Variants in POLN observed in about 807,000 individuals in gnomAD.
POLN encodes the protein DNA polymerase nu.
In POLN, 108 loss-of-function variants were observed where a neutral mutation model predicts 113.5. That is an observed-to-expected ratio of 0.95 (90% CI 0.81 to 1.12). The LOEUF (loss-of-function observed/expected upper bound fraction) is 1.12, where lower values mean the gene tolerates loss of function less well. POLN is among the 50% of genes most tolerant of loss of function. The pLI is 0.00. For synonymous variants in POLN, 386 were observed against 391.5 expected (o/e 0.99, Z 0.17); for missense variants, 1,097 against 1,077.1 (o/e 1.02, Z -0.26).
At chr4:2,111,142 C>T (rs1731182912) in intron 19 of POLN, among the ~76,000 whole-genome samples, 1 of 152,206 alleles carries the variant, frequency 6.6e-6, no homozygotes, top group Non-Finnish European at 1.5e-5. Flanking sequence ...ACAAAAACCA[C>T]ATGATTTTCT....
At chr4:2,080,297 C>G in intron 23 of POLN, 1 of 997,078 alleles carries the variant, frequency 1.0e-6, no homozygotes, top group Non-Finnish European at 1.2e-6. Context: ...GAGGAATGTG[C>G]CCTGGGGGAA....
intron 23 of POLN, chr4:2,079,958 C>A: frequency 2.0e-6 from 2 of 985,514 alleles, no homozygotes; most frequent in Non-Finnish European, 2.4e-6. Flanking sequence ...CACTGAGAGC[C>A]CACAGCCCAG....
intron 16 of POLN, among the ~76,000 whole-genome samples, chr4:2,139,136 G>T (rs574757886): frequency 1.3e-5 from 2 of 152,164 alleles, no homozygotes; most frequent in Non-Finnish European, 2.9e-5. Context: ...GGGACAAGCC[G>T]CAGGGTCAGA....
At chr4:2,111,228 T>C (rs1012339876) in intron 19 of POLN, among the ~76,000 whole-genome samples, 233 of 152,276 alleles carry the variant, frequency 1.5e-3, no homozygotes, top group African/African-American at 5.2e-3. Flanking sequence ...TAGGTATTGA[T>C]GGGACGTATC....
At chr4:2,217,073 TTCCCACAGATCCCTCCACA>T (rs1477586057) in intron 3 of POLN, among the ~76,000 whole-genome samples, 1 of 152,196 alleles carries the variant, frequency 6.6e-6, no homozygotes, top group African/African-American at 2.4e-5. Context: ...TTCGTGACTG[TTCCCACAGATCCCTCCACA>T]TGCCTTACTC....
intron 16 of POLN, among the ~76,000 whole-genome samples, chr4:2,146,642 G>A (rs1732149317): frequency 6.6e-6 from 1 of 152,002 alleles, no homozygotes; most frequent in Non-Finnish European, 1.5e-5. Context: ...GTGGGGAGGG[G>A]CAGGCAGATA....
At chr4:2,196,361 T>A (rs775639070) in intron 6 of POLN, among the ~76,000 whole-genome samples, 1 of 152,090 alleles carries the variant, frequency 6.6e-6, no homozygotes, top group Non-Finnish European at 1.5e-5. Context: ...TAGAGCTAAC[T>A]CCAGTTTACA....
intron 7 of POLN, among the ~76,000 whole-genome samples, chr4:2,191,343 C>T (rs753935185): frequency 6.7e-6 from 1 of 148,946 alleles, no homozygotes; most frequent in African/African-American, 2.4e-5. Context: ...GGTAAGGGGG[C>T]GGTGGGTGGG....
chr4:2,218,805 C>T (rs1167148453), intron 3 of POLN, among the ~76,000 whole-genome samples: 1 of 152,154 alleles, frequency 6.6e-6, no homozygotes, highest in Non-Finnish European at 1.5e-5. Flanking sequence ...ATCCAGCCCA[C>T]CAGCTGTCAT....
At chr4:2,085,792 G>T in intron 20 of POLN, 48 bp from the exon 21 acceptor site, 1 of 1,607,896 alleles carries the variant, frequency 6.2e-7, no homozygotes. Context: ...CACCAGCCGT[G>T]ACTGTGTGCA....
chr4:2,080,855 G>T, intron 23 of POLN, 103 bp downstream of exon 23: 1 of 1,594,448 alleles, frequency 6.3e-7, no homozygotes. Flanking sequence ...ACGGGGGCCC[G>T]ATAAGCAGAG....
At chr4:2,078,931 C>T (rs1011727585) in intron 23 of POLN, 52 of 985,046 alleles carry the variant, frequency 5.3e-5, no homozygotes, top group African/African-American at 7.0e-5. Flanking sequence ...GAAAGTGAAC[C>T]GATTTTTTCT....
In POLN at chr4:2,208,306, T is replaced by G; in HGVS notation, c.395A>C (p.Lys132Thr). 1 of 1,604,040 alleles carries G rather than the reference T, an allele frequency of 6.2e-7. No individual in the cohort carries two copies. The highest frequency in any genetic ancestry group is 2.2e-5 in the East Asian group (1 of 44,830). ...YNQEASVLQK[K>T]GHKRKHFLME... is the part of the protein sequence containing the mutation. ...TAGGAAATGCTTTCTTTTATGCCCCTTTTTCTGTAGAACTGAAGCCTCTTG... is the reference window on the plus strand; with the variant it reads ...TAGGAAATGCTTTCTTTTATGCCCCGTTTTCTGTAGAACTGAAGCCTCTTG... Residue 132 changes from lysine to threonine, a missense_variant, in exon 5 of 26, where the codon AAG (lysine) becomes ACG (threonine). Physicochemically the swap from Lys to Thr is moderately conservative, Grantham distance 78. Transcript: ENST00000511885.
chr4:2,216,630 TCAAA>T (rs1316783275), intron 3 of POLN, among the ~76,000 whole-genome samples: 4 of 152,168 alleles, frequency 2.6e-5, no homozygotes, highest in African/African-American at 9.7e-5. Context: ...ATCCTGTGGA[TCAAA>T]CACTCTGTGA....
chr4:2,155,467 T>C (rs1732401076), intron 16 of POLN, among the ~76,000 whole-genome samples: 1 of 152,152 alleles, frequency 6.6e-6, no homozygotes, highest in Non-Finnish European at 1.5e-5. Flanking sequence ...TCTCTTCCTC[T>C]TCCTCACACA....
At position 2,123,890 on chromosome 4, in the gene POLN, G is replaced by A. The variant is rs551394935; in HGVS notation, c.1982+4223C>T. ...GCATTGTTCATAATTGACAAAAAGT[G>A]GAAACAACCCAAATGTCCATCAAAG... On this transcript the variant is annotated intron_variant, in intron 19 of 25. Transcript: ENST00000511885. Among the ~76,000 whole-genome samples the A allele has an allele frequency of 2.0e-5, 3 of 151,798 alleles. No homozygotes were observed. In the South Asian group the frequency reaches 6.2e-4, roughly 32 times the overall value.
intron 3 of POLN, 110 bp downstream of exon 3, chr4:2,228,989 C>T (rs1379975252): frequency 8.4e-6 from 9 of 1,074,932 alleles, no homozygotes; most frequent in African/African-American, 3.3e-5. Flanking sequence ...GTAAAAGGGG[C>T]GGGAGCTGGG....
At chr4:2,125,887 G>A (rs566911633) in intron 19 of POLN, among the ~76,000 whole-genome samples, 4 of 152,242 alleles carry the variant, frequency 2.6e-5, no homozygotes, top group East Asian at 3.9e-4. Context: ...TGAGGCCAGC[G>A]AGGACCCAGT....
intron 13 of POLN, among the ~76,000 whole-genome samples, chr4:2,162,324 G>A (rs1288862440): frequency 3.3e-5 from 5 of 152,022 alleles, no homozygotes; most frequent in Non-Finnish European, 7.4e-5. Flanking sequence ...CACTCACCGC[G>A]AAGGTCTGCA....
Sources: gnomAD v4.1 joint callset for allele counts (sites outside exome capture counted in the v4.1 genomes callset) on GRCh38, gnomAD v4.1.1 for gene constraint, MANE v1.5 for transcripts, NCBI Gene and HGNC (gene_info 2026-07-23, HGNC 2026-07-21) for gene names.